UGCG: variants seen among roughly 807,000 people sequenced by gnomAD.
UGCG encodes the protein UDP-glucose ceramide glucosyltransferase.
In UGCG, 10 loss-of-function variants were observed where a neutral mutation model predicts 49.5. That is an observed-to-expected ratio of 0.20 (90% CI 0.12 to 0.34). The LOEUF (loss-of-function observed/expected upper bound fraction) is 0.34. Among genes scored for constraint, UGCG ranks in the 10% least tolerant of loss-of-function variants. UGCG has a pLI of 1.00. For synonymous variants in UGCG, 182 were observed against 158.2 expected, an observed-to-expected ratio of 1.15 and a Z score of -1.13; for missense variants, 312 against 483.7, an observed-to-expected ratio of 0.65 and a Z score of 3.33.
chr9:111,930,016 T>C (rs535911790), intron 6 of UGCG, among the ~76,000 whole-genome samples: 95 of 152,098 alleles, frequency 6.2e-4, no homozygotes, highest in African/African-American at 2.0e-3. Context: ...TGGGGTTTCT[T>C]CATGTTGGCC....
At chr9:111,927,423 C>T (rs1838334959) in intron 5 of UGCG, among the ~76,000 whole-genome samples, 1 of 151,656 alleles carries the variant, frequency 6.6e-6, no homozygotes, top group Admixed American at 6.6e-5. Flanking sequence ...CTAACAATTA[C>T]AGGAAGTTTA....
intron 6 of UGCG, among the ~76,000 whole-genome samples, chr9:111,929,886 T>G (rs1589530039): frequency 2.0e-5 from 3 of 152,316 alleles, no homozygotes; most frequent in Admixed American, 2.0e-4. Context: ...TGGCGCGATC[T>G]TGGCTCACTG....
intron 2 of UGCG, among the ~76,000 whole-genome samples, chr9:111,922,077 T>G (rs1170537959): frequency 6.6e-6 from 1 of 151,534 alleles, no homozygotes; most frequent in Non-Finnish European, 1.5e-5. Flanking sequence ...CCTCCCAAAG[T>G]GCTGGGATTA....
chr9:111,929,350 T>C (rs1325860387), intron 5 of UGCG, 150 bp from the exon 6 acceptor site: 17 of 748,936 alleles, frequency 2.3e-5, no homozygotes, highest in Non-Finnish European at 3.4e-5. Context: ...AGCAATATTG[T>C]CTACCACTTT....
intron 1 of UGCG, among the ~76,000 whole-genome samples, chr9:111,903,841 C>G (rs1289045094): frequency 6.6e-6 from 1 of 152,188 alleles, no homozygotes; most frequent in African/African-American, 2.4e-5. Flanking sequence ...AACAATCTGC[C>G]TGCCTCGGCC....
At chr9:111,905,572 C>T (rs974239525) in intron 1 of UGCG, among the ~76,000 whole-genome samples, 1 of 152,116 alleles carries the variant, frequency 6.6e-6, no homozygotes, top group Non-Finnish European at 1.5e-5. Flanking sequence ...TCTTCTGCCT[C>T]AGCCTCCCAA....
chr9:111,908,312 C>G (rs192658214), intron 1 of UGCG, among the ~76,000 whole-genome samples: 1 of 152,046 alleles, frequency 6.6e-6, no homozygotes, highest in East Asian at 1.9e-4. Context: ...CATAACGCAA[C>G]CCAAAGAGGC....
intron 1 of UGCG, among the ~76,000 whole-genome samples, chr9:111,902,680 G>A (rs1485035768): frequency 6.6e-6 from 1 of 152,142 alleles, no homozygotes; most frequent in Admixed American, 6.5e-5. Flanking sequence ...GAACCACACA[G>A]CGGAATTATA....
intron 1 of UGCG, among the ~76,000 whole-genome samples, chr9:111,910,480 A>C (rs1837975912): frequency 6.6e-6 from 1 of 152,184 alleles, no homozygotes; most frequent in African/African-American, 2.4e-5. Flanking sequence ...CATTCTGGAT[A>C]GCTTCTTCTA....
At chr9:111,909,564 C>G (rs1304145397) in intron 1 of UGCG, among the ~76,000 whole-genome samples, 3 of 151,116 alleles carry the variant, frequency 2.0e-5, no homozygotes, top group Non-Finnish European at 3.0e-5. Context: ...AGCCACAGCT[C>G]CTTCACAGTA....
At chr9:111,917,615 G>T (rs563568204) in intron 2 of UGCG, among the ~76,000 whole-genome samples, 1 of 152,256 alleles carries the variant, frequency 6.6e-6, no homozygotes, top group African/African-American at 2.4e-5. Context: ...ATATCTTCAA[G>T]TTTTAAAATT....
At chr9:111,931,411 G>A (rs746634257) in intron 7 of UGCG, 54 bp downstream of exon 7, 48 of 1,560,162 alleles carry the variant, frequency 3.1e-5, no homozygotes, top group Non-Finnish European at 3.9e-5. Context: ...GGGGAGGGGG[G>A]TGGTAATTTT....
At chr9:111,924,241 G>C (rs1171197489) in intron 3 of UGCG, among the ~76,000 whole-genome samples, 1 of 151,520 alleles carries the variant, frequency 6.6e-6, no homozygotes, top group African/African-American at 2.4e-5. Context: ...ATATATTTTT[G>C]GTGTACAGCA....
chr9:111,903,802 G>T (rs972823477), intron 1 of UGCG, among the ~76,000 whole-genome samples: 2 of 152,092 alleles, frequency 1.3e-5, no homozygotes, highest in Non-Finnish European at 2.9e-5. Context: ...CGCCGTGTTG[G>T]CTAGGCTGGT....
chr9:111,899,297 T>A (rs533853298), intron 1 of UGCG, among the ~76,000 whole-genome samples: 1 of 152,250 alleles, frequency 6.6e-6, no homozygotes, highest in East Asian at 1.9e-4. Flanking sequence ...ATATTCACAG[T>A]CCTGGTAACA....
chr9:111,915,815 GC>G, intron 2 of UGCG: 1 of 984,870 alleles, frequency 1.0e-6, no homozygotes, highest in Non-Finnish European at 1.2e-6. Context: ...AGATGTGATA[GC>G]CTTAATGCAG....
chr9:111,913,588 AC>A (rs1158142886), intron 1 of UGCG, among the ~76,000 whole-genome samples: 1 of 135,648 alleles, frequency 7.4e-6, no homozygotes, highest in Non-Finnish European at 1.6e-5. Flanking sequence ...ACCCACCACC[AC>A]GCCCAGCTAA....
intron 6 of UGCG, 138 bp downstream of exon 6, chr9:111,929,816 TTTA>T: frequency 9.9e-7 from 1 of 1,008,230 alleles, no homozygotes; most frequent in Non-Finnish European, 1.4e-6. Context: ...GGTCAATAAT[TTTA>T]TTATTTTGTT....
In UGCG at chr9:111,933,110, A is replaced by G. The variant is rs1427267343; in HGVS notation, c.*113A>G. On this transcript the variant is annotated 3_prime_UTR_variant, in exon 9 of 9. Coordinates refer to ENST00000374279, the MANE Select transcript of UGCG (RefSeq NM_003358.3). The stretch of plus-strand genomic sequence containing the variant: ...AGTTTTATCACATGTATGTTTTGGT[A>G]TCTGTTCTTTAATTTATTTTTGCAT... The G allele has an allele frequency of 4.7e-6, 5 of 1,058,826 alleles. No individual in the cohort carries two copies. The highest frequency in any genetic ancestry group is 6.1e-6 in the Non-Finnish European group (5 of 824,510). The allele number at this position is 1,058,826 out of a possible 1,614,324, so 65.6% of individuals were successfully genotyped here. A position where few individuals can be genotyped will look rare whatever the true frequency, so the allele number is the denominator to read the frequency against.
Sources: allele counts gnomAD v4.1 joint callset (sites outside exome capture counted in the v4.1 genomes callset), GRCh38; gene constraint gnomAD v4.1.1; transcripts MANE v1.5; gene names NCBI Gene and HGNC (gene_info 2026-07-23, HGNC 2026-07-21).